Variants in FRMPD4 observed in about 807,000 individuals in gnomAD.
The protein encoded by FRMPD4 is FERM and PDZ domain containing 4.
In FRMPD4, 22 loss-of-function variants were observed where a neutral mutation model predicts 94.1. That is an observed-to-expected ratio of 0.23 (90% CI 0.17 to 0.33). The LOEUF (loss-of-function observed/expected upper bound fraction) is 0.33. FRMPD4 is among the 10% of genes least tolerant of loss of function. FRMPD4 has a pLI of 1.00. For missense variants in FRMPD4, 1,111 were observed against 1,339.9 expected (o/e 0.83, Z 2.67); for synonymous variants, 631 against 548.6 (o/e 1.15, Z -2.10).
chrX:12,096,818 T>C (rs2055208988), intron 3 of FRMPD4, among the ~76,000 whole-genome samples: 1 of 111,379 alleles, frequency 9.0e-6, no homozygotes, highest in African/African-American at 3.3e-5. Context: ...GCCCAGGAAT[T>C]CAAGGCTGCA....
intron 1 of FRMPD4, among the ~76,000 whole-genome samples, chrX:12,252,893 A>G (rs2147813166): frequency 9.0e-6 from 1 of 111,707 alleles, no homozygotes; most frequent in African/African-American, 3.2e-5. Context: ...GAGGAAATAC[A>G]CTTAGAAATA....
chrX:12,590,199 T>C (rs2058969329), intron 2 of FRMPD4, among the ~76,000 whole-genome samples: 1 of 112,290 alleles, frequency 8.9e-6, no homozygotes, highest in Non-Finnish European at 1.9e-5. Flanking sequence ...ATTTCTTGAA[T>C]TGAGGAATAA....
At chrX:12,136,926 TACAC>T (rs2055605224), upstream of FRMPD4, among the ~76,000 whole-genome samples, 1 of 91,586 alleles carries the variant, frequency 1.1e-5, no homozygotes, top group Non-Finnish European at 2.1e-5. Flanking sequence ...CACACACACA[TACAC>T]ACACACAAAA....
intron 1 of FRMPD4, among the ~76,000 whole-genome samples, chrX:12,388,177 C>G (rs1394161252): frequency 2.7e-5 from 3 of 111,122 alleles, no homozygotes; most frequent in Non-Finnish European, 3.8e-5. Flanking sequence ...GTGTTAGTTA[C>G]AAGGGTCTAT....
At chrX:12,504,151 G>C (rs1363944853) in intron 2 of FRMPD4, among the ~76,000 whole-genome samples, 1 of 112,412 alleles carries the variant, frequency 8.9e-6, no homozygotes, top group Non-Finnish European at 1.9e-5. Flanking sequence ...AAATGCTGCA[G>C]GTCTTTGTGG....
intron 1 of FRMPD4, among the ~76,000 whole-genome samples, chrX:12,175,493 C>G (rs986622537): frequency 1.8e-5 from 2 of 111,555 alleles, no homozygotes; most frequent in Non-Finnish European, 3.8e-5. Context: ...ACCCCAGATG[C>G]ACTGAATCAA....
At chrX:11,948,792 A>T (rs1441070538) in intron 3 of FRMPD4, among the ~76,000 whole-genome samples, 1 of 112,187 alleles carries the variant, frequency 8.9e-6, no homozygotes, top group African/African-American at 3.2e-5. Flanking sequence ...ATTGTTGAAA[A>T]CCAAGGCTTT....
At chrX:12,181,709 A>T (rs1225380622) in intron 1 of FRMPD4, among the ~76,000 whole-genome samples, 4 of 111,331 alleles carry the variant, frequency 3.6e-5, no homozygotes, top group African/African-American at 1.3e-4. Context: ...AAAAATTATC[A>T]AGATTTTCCA....
intron 3 of FRMPD4, among the ~76,000 whole-genome samples, chrX:12,012,847 G>A (rs1410640135): frequency 2.7e-5 from 3 of 112,122 alleles, no homozygotes; most frequent in Non-Finnish European, 5.6e-5. Flanking sequence ...GGAGATAAGA[G>A]ACAATGAAGG....
At chrX:12,336,243 A>C (rs952078751) in intron 1 of FRMPD4, among the ~76,000 whole-genome samples, 1 of 111,567 alleles carries the variant, frequency 9.0e-6, no homozygotes, top group Non-Finnish European at 1.9e-5. Context: ...TGCAGAATAT[A>C]TATCTCTGTC....
chrX:11,866,548 C>A (rs1176238246), intron 2 of FRMPD4, among the ~76,000 whole-genome samples: 1 of 111,129 alleles, frequency 9.0e-6, no homozygotes, highest in Admixed American at 9.6e-5. Flanking sequence ...CATATCACCT[C>A]GGTAAGAGAA....
Position 12,191,944 on chromosome X carries a change from G to A in FRMPD4, c.41+52932G>A, listed in dbSNP as rs748419674. Among the ~76,000 whole-genome samples the A allele has an allele frequency of 5.4e-5, 6 of 111,807 alleles. No individual in the cohort carries two copies. In the East Asian group the frequency reaches 1.7e-3, roughly 32 times the overall value. ...ATGTACCACTGTGATATGGGATTTT[G>A]ATAGTTGGGGAGTCTGTGTATACAT... On this transcript the variant is annotated intron_variant, in intron 1 of 16. Transcript: ENST00000675598.
intron 1 of FRMPD4, among the ~76,000 whole-genome samples, chrX:12,253,241 C>T (rs142459241): frequency 0.019 from 2,128 of 112,254 alleles, 55 homozygotes; most frequent in African/African-American, 0.065. Context: ...TCAGAGGATG[C>T]ACCTCTTCCA....
intron 1 of FRMPD4, among the ~76,000 whole-genome samples, chrX:12,154,250 G>C (rs1170357380): frequency 8.9e-6 from 1 of 112,741 alleles, no homozygotes; most frequent in Non-Finnish European, 1.9e-5. Context: ...TTCTCAAATA[G>C]TCATTAAACA....
intron 4 of FRMPD4, among the ~76,000 whole-genome samples, chrX:12,653,829 A>G (rs1386724752): frequency 6.3e-5 from 7 of 111,575 alleles, no homozygotes; most frequent in African/African-American, 9.8e-5. Context: ...GTGCAATGGC[A>G]CGATCTCGGC....
At chrX:12,299,956 A>G (rs986840577) in intron 1 of FRMPD4, among the ~76,000 whole-genome samples, 2 of 112,407 alleles carry the variant, frequency 1.8e-5, no homozygotes, top group Non-Finnish European at 3.8e-5. Flanking sequence ...ACAATGGCCA[A>G]ATTGTTTAAA....
intron 1 of FRMPD4, among the ~76,000 whole-genome samples, chrX:12,277,104 G>A (rs1311589548): frequency 1.1e-5 from 1 of 88,861 alleles, no homozygotes; most frequent in East Asian, 3.4e-4. Flanking sequence ...CTGGGCGACA[G>A]AGCGAGACTC....
intron 2 of FRMPD4, among the ~76,000 whole-genome samples, chrX:12,542,890 G>T (rs1468380666): frequency 1.8e-5 from 2 of 111,899 alleles, no homozygotes; most frequent in African/African-American, 6.5e-5. Flanking sequence ...TCTAAACAGA[G>T]ATACAGACCA....
chrX:12,585,328 C>T (rs1321585237), intron 2 of FRMPD4, among the ~76,000 whole-genome samples: 1 of 110,191 alleles, frequency 9.1e-6, no homozygotes, highest in African/African-American at 3.3e-5. Flanking sequence ...TCAAGCAATT[C>T]TCCTGCCTCA....
Sources: gnomAD v4.1 joint callset for allele counts (sites outside exome capture counted in the v4.1 genomes callset) on GRCh38, gnomAD v4.1.1 for gene constraint, MANE v1.5 for transcripts, NCBI Gene and HGNC (gene_info 2026-07-23, HGNC 2026-07-21) for gene names.